Variants in ZBTB1 observed in about 807,000 individuals in gnomAD.
ZBTB1 encodes the protein zinc finger and BTB domain-containing protein 1.
In ZBTB1, 13 loss-of-function variants were observed where a neutral mutation model predicts 51.6. That is an observed-to-expected ratio of 0.25 (90% CI 0.16 to 0.40). ZBTB1 has a LOEUF of 0.40. Among genes scored for constraint, ZBTB1 ranks in the 10% least tolerant of loss-of-function variants. The probability of loss-of-function intolerance (pLI) is 1.00; values close to 1 mark genes in which losing one functional copy is unlikely to be tolerated. For missense variants in ZBTB1, 567 were observed against 856.5 expected (o/e 0.66, Z 4.22); for synonymous variants, 240 against 282.2 (o/e 0.85, Z 1.50).
intron 1 of ZBTB1, among the ~76,000 whole-genome samples, chr14:64,520,726 A>G (rs1471824765): frequency 1.3e-5 from 2 of 152,206 alleles, no homozygotes; most frequent in African/African-American, 2.4e-5. Context: ...CCTTTCTCAC[A>G]CTTAAAAAAT....
intron 1 of ZBTB1, among the ~76,000 whole-genome samples, chr14:64,517,052 A>C (rs1354493719): frequency 6.6e-6 from 1 of 152,198 alleles, no homozygotes; most frequent in East Asian, 1.9e-4. Flanking sequence ...TAGATTAACT[A>C]CTGGCTTTCT....
Position 64,523,162 on chromosome 14 carries a change from T to A in ZBTB1, c.1658T>A (p.Met553Lys). ...ACTGAAAATCTAGTGGTTGAACATATGTCTAGCTGCTTAGATCAAGATATG... is the reference window on the plus strand; with the variant it reads ...ACTGAAAATCTAGTGGTTGAACATAAGTCTAGCTGCTTAGATCAAGATATG... ...FETENLVVEH[M>K]SSCLDQDMFK... The change falls in exon 2 of 2, where the codon ATG (methionine) becomes AAG (lysine). Residue 553 changes from methionine (M) to lysine (K), a missense_variant. Physicochemically the swap from Met to Lys is moderately conservative, Grantham distance 95. Around this residue, in one of 5 missense-constraint regions of ZBTB1, gnomAD observed 329 missense variants for 406.3 expected, o/e 0.81. Coordinates refer to ENST00000683701, the MANE Select transcript of ZBTB1 (RefSeq NM_001123329.2). This position sits in a 1 kb window ranked among gnomAD's most constrained non-coding sequence, Gnocchi z 4.5. 1.2e-6 allele frequency: 2 copies of A among 1,614,208 alleles called. No homozygotes were observed. Among genetic ancestry groups the A allele is most frequent in the Non-Finnish European group, 1.7e-6 (2 of 1,180,024 alleles).
Position 64,523,462 on chromosome 14 carries a change from T to C in ZBTB1, c.1958T>C (p.Met653Thr). 1.2e-6 allele frequency: 2 copies of C among 1,614,174 alleles called. No individual in the cohort carries two copies. The highest frequency in any genetic ancestry group is 1.7e-6 in the Non-Finnish European group (2 of 1,179,980). The change falls in exon 2 of 2, where the codon ATG (methionine) becomes ACG (threonine). Residue 653 changes from methionine to threonine, a missense_variant. Transcript: ENST00000683701. This position sits in a 1 kb window ranked among gnomAD's most constrained non-coding sequence, Gnocchi z 4.5. The part of the protein sequence containing the change: ...NFRKHDHVRH[M>T]ISHLSAGETI... ...AGAAAACATGACCATGTACGGCATA[T>C]GATTTCTCATTTATCTGCTGGTGAG...
chr14:64,526,912 G>A (rs1040371698), downstream of ZBTB1, among the ~76,000 whole-genome samples: 1 of 151,924 alleles, frequency 6.6e-6, no homozygotes, highest in African/African-American at 2.4e-5. Context: ...GGGCATGGTG[G>A]CATGCAGCTG....
intron 1 of ZBTB1, chr14:64,518,393 G>A (rs969958585): frequency 6.6e-6 from 1 of 152,166 alleles, no homozygotes; most frequent in African/African-American, 2.4e-5. Context: ...AGGTGCAGTG[G>A]TTGCAATTTT....
chr14:64,513,397 G>A (rs2140111105), intron 1 of ZBTB1, among the ~76,000 whole-genome samples: 1 of 152,152 alleles, frequency 6.6e-6, no homozygotes, highest in South Asian at 2.1e-4. Flanking sequence ...ACTCTACTTT[G>A]ATAACCTTCA....
At chr14:64,521,090 C>T (rs940737207) in intron 1 of ZBTB1, among the ~76,000 whole-genome samples, 4 of 152,172 alleles carry the variant, frequency 2.6e-5, no homozygotes, top group Non-Finnish European at 2.9e-5. Context: ...CTCAAACTCC[C>T]GAGCTCAAGC....
chr14:64,510,670 A>G (rs1412380287), intron 1 of ZBTB1, among the ~76,000 whole-genome samples: 1 of 152,214 alleles, frequency 6.6e-6, no homozygotes, highest in Non-Finnish European at 1.5e-5. Flanking sequence ...AGTTTGAAGC[A>G]GGCAGTAACT....
At chr14:64,505,848 G>A (rs1017926510) in intron 1 of ZBTB1, among the ~76,000 whole-genome samples, 1 of 152,182 alleles carries the variant, frequency 6.6e-6, no homozygotes. Flanking sequence ...TGGTGTTAGT[G>A]TATTTCCATA....
At position 64,523,760 on chromosome 14, in the gene ZBTB1, G is replaced by A. The variant is rs2079881759; in HGVS notation, c.*114G>A. ...ATGATTTGTTAGAAACAAATTTCAAGGCCCTTTTAACTTTAATATTTTTGT... is the reference window on the plus strand; with the variant it reads ...ATGATTTGTTAGAAACAAATTTCAAAGCCCTTTTAACTTTAATATTTTTGT... On this transcript the variant is annotated 3_prime_UTR_variant, in exon 2 of 2. Coordinates refer to ENST00000683701, the MANE Select transcript of ZBTB1 (RefSeq NM_001123329.2). The surrounding 1 kb of genome is among the most constrained non-coding windows in gnomAD (Gnocchi z 4.5). 9 of 1,359,224 alleles carry A rather than the reference G, an allele frequency of 6.6e-6. No individual in the cohort carries two copies. The highest frequency in any genetic ancestry group is 8.6e-6 in the Non-Finnish European group (9 of 1,052,396). The allele number at this position is 1,359,224 out of a possible 1,614,324, so 84.2% of individuals were successfully genotyped here.
chr14:64,515,490 T>G (rs1345874605), intron 1 of ZBTB1, among the ~76,000 whole-genome samples: 3 of 151,932 alleles, frequency 2.0e-5, no homozygotes, highest in African/African-American at 7.3e-5. Flanking sequence ...TTGAGTGAAA[T>G]TATAATTTAA....
downstream of ZBTB1, among the ~76,000 whole-genome samples, chr14:64,525,802 C>T (rs1233802096): frequency 6.6e-6 from 1 of 152,034 alleles, no homozygotes; most frequent in Non-Finnish European, 1.5e-5. Flanking sequence ...AGCCATACCT[C>T]AACTTATTTT....
intron 1 of ZBTB1, among the ~76,000 whole-genome samples, chr14:64,509,549 A>G (rs2079701681): frequency 6.6e-6 from 1 of 152,196 alleles, no homozygotes; most frequent in East Asian, 1.9e-4. Context: ...CATGCATTTT[A>G]TGATTTTTTA....
At chr14:64,517,181 C>T (rs1007650447) in intron 1 of ZBTB1, among the ~76,000 whole-genome samples, 6 of 152,124 alleles carry the variant, frequency 3.9e-5, no homozygotes, top group Admixed American at 6.5e-5. Context: ...ATGCCAAGCA[C>T]GATGCATTTT....
intron 2 of ZBTB1, among the ~76,000 whole-genome samples, chr14:64,531,023 G>T (rs968093972): frequency 8.5e-5 from 13 of 152,096 alleles, no homozygotes; most frequent in Non-Finnish European, 1.8e-4. Flanking sequence ...TTTTATGTGA[G>T]AAAATTTGCA....
chr14:64,530,543 G>A (rs926435097), intron 2 of ZBTB1, among the ~76,000 whole-genome samples: 49 of 151,778 alleles, frequency 3.2e-4, no homozygotes, highest in African/African-American at 1.1e-3. Context: ...GGAGATGGAG[G>A]TTGCACTGAG....
chr14:64,516,746 C>T (rs148531555), intron 1 of ZBTB1: 1 of 152,232 alleles, frequency 6.6e-6, no homozygotes, highest in East Asian at 1.9e-4. Context: ...GCCTGGTATA[C>T]CAAAGGTAGT....
At chr14:64,526,898 A>G (rs1448212329), downstream of ZBTB1, among the ~76,000 whole-genome samples, 2 of 151,922 alleles carry the variant, frequency 1.3e-5, no homozygotes, top group Non-Finnish European at 2.9e-5. Context: ...TTGTTTAATT[A>G]GCAGGGCATG....
chr14:64,521,400 C>A, intron 1 of ZBTB1, 87 bp from the exon 2 acceptor site: 2 of 958,064 alleles, frequency 2.1e-6, no homozygotes, highest in Non-Finnish European at 1.5e-6. Context: ...TAATAGCAGT[C>A]ATGCAAGTCA....
Sources: allele counts gnomAD v4.1 joint callset (sites outside exome capture counted in the v4.1 genomes callset), GRCh38; gene constraint gnomAD v4.1.1; regional missense constraint gnomAD v4.1.1; non-coding constraint Gnocchi (gnomAD v3.1); transcripts MANE v1.5; gene names NCBI Gene and HGNC (gene_info 2026-07-23, HGNC 2026-07-21).